USH2A: variants seen among roughly 807,000 people sequenced by gnomAD.
The protein encoded by USH2A is usherin.
Under a neutral mutation model 538.9 loss-of-function variants are expected in USH2A, and 443 were observed. The ratio of observed to expected loss-of-function variants is 0.82; its 90% CI spans 0.76 to 0.89. USH2A has a LOEUF of 0.89. USH2A is among the 40% of genes least tolerant of loss of function. The pLI, the probability that USH2A is intolerant of heterozygous loss-of-function variation, is 0.00. For synonymous variants in USH2A, 2,413 were observed against 2,273.5 expected (o/e 1.06, Z -1.75); for missense variants, 6,633 against 6,324.8 (o/e 1.05, Z -1.65).
At chr1:215,932,914 G>A (rs867381386) in intron 38 of USH2A, among the ~76,000 whole-genome samples, 1 of 151,988 alleles carries the variant, frequency 6.6e-6, no homozygotes, top group African/African-American at 2.4e-5. Flanking sequence ...TATTCACATA[G>A]CGCATATTCC....
At chr1:215,712,157 G>A (rs1039931014) in intron 61 of USH2A, among the ~76,000 whole-genome samples, 1 of 152,162 alleles carries the variant, frequency 6.6e-6, no homozygotes, top group Non-Finnish European at 1.5e-5. Context: ...TTTCTAAAAT[G>A]TGGTAGGCCA....
At chr1:216,223,407 C>A (rs904878460) in intron 14 of USH2A, among the ~76,000 whole-genome samples, 1 of 152,114 alleles carries the variant, frequency 6.6e-6, no homozygotes. Flanking sequence ...AACTCTTCAC[C>A]TTTCCCTCTG....
Position 216,376,756 on chromosome 1 carries a change from C to A in USH2A, c.652-11671G>T, listed in dbSNP as rs184890015. ...CAAGTCAGAAGGGCCATCAATCAGG[C>A]CCTCAATATGTAGACAGATATATAG... On this transcript the variant is annotated intron_variant, in intron 3 of 71. Transcript: ENST00000307340. Among the ~76,000 whole-genome samples the A allele has an allele frequency of 6.8e-3, 1,031 of 152,188 alleles. 18 individuals are homozygous for A. The highest frequency in any genetic ancestry group is 0.024 in the African/African-American group (1,000 of 41,532).
At chr1:216,084,622 A>C (rs1199765525) in intron 25 of USH2A, 76 bp downstream of exon 25, 32 of 1,526,294 alleles carry the variant, frequency 2.1e-5, no homozygotes, top group Non-Finnish European at 2.9e-5. Flanking sequence ...AAGTTAATCA[A>C]ACAGGAGAGA....
chr1:216,069,883 T>C (rs2031499536), intron 30 of USH2A, among the ~76,000 whole-genome samples: 1 of 152,202 alleles, frequency 6.6e-6, no homozygotes, highest in African/African-American at 2.4e-5. Context: ...TACCTTAGAA[T>C]AAAATTATCC....
At position 215,786,686 on chromosome 1, in the gene USH2A, G is replaced by A; in HGVS notation, c.10371C>T (p.Asn3457=). 1 of 1,613,986 alleles carries A rather than the reference G, an allele frequency of 6.2e-7. No homozygotes were observed. Among genetic ancestry groups the A allele is most frequent in the Non-Finnish European group, 8.5e-7 (1 of 1,179,902 alleles). Residue 3457 remains asparagine, a synonymous_variant, in exon 52 of 72, where the codon AAC becomes AAT. Transcript: ENST00000307340. ...AEETIHTGSV[N]TYSYTDVNLK... ...TTCTGTTACCTGTGTAAGAGTACGT[G>A]TTTACACTCCCTGTATGAATGGTTT... is the stretch of plus-strand genomic sequence containing the variant.
At chr1:215,752,764 C>T (rs531529725) in intron 58 of USH2A, among the ~76,000 whole-genome samples, 1 of 152,214 alleles carries the variant, frequency 6.6e-6, no homozygotes, top group African/African-American at 2.4e-5. Flanking sequence ...AAGTCCTTGC[C>T]CATACCTATG....
chr1:216,355,688 A>C (rs930575469), intron 4 of USH2A, among the ~76,000 whole-genome samples: 4 of 152,124 alleles, frequency 2.6e-5, no homozygotes, highest in Non-Finnish European at 4.4e-5. Flanking sequence ...ACTAGAAAGG[A>C]CAGATCTTTA....
intron 21 of USH2A, among the ~76,000 whole-genome samples, chr1:216,162,761 T>G (rs1177821932): frequency 6.6e-6 from 1 of 152,062 alleles, no homozygotes; most frequent in East Asian, 1.9e-4. Context: ...GTTTCTCTAC[T>G]GTGGTTAAGT....
chr1:215,650,957 C>CAGGAGAGCA, intron 64 of USH2A, among the ~76,000 whole-genome samples, 156 bp from the exon 65 acceptor site: 1 of 151,682 alleles, frequency 6.6e-6, no homozygotes, highest in African/African-American at 2.4e-5. Context: ...TGTAATCACA[C>CAGGAGAGCA]AGGAGAGCAA....
chr1:215,703,988 G>T (rs543688664), intron 61 of USH2A, among the ~76,000 whole-genome samples: 1 of 152,338 alleles, frequency 6.6e-6, no homozygotes, highest in African/African-American at 2.4e-5. Context: ...TGTGACGACT[G>T]TAGGAAAAGT....
At chr1:215,712,049 G>C (rs1467107772) in intron 61 of USH2A, among the ~76,000 whole-genome samples, 3 of 152,126 alleles carry the variant, frequency 2.0e-5, no homozygotes, top group Non-Finnish European at 4.4e-5. Flanking sequence ...AGACACCAAG[G>C]CTTGTGGCGT....
intron 44 of USH2A, among the ~76,000 whole-genome samples, chr1:215,866,089 G>A (rs1190552036): frequency 1.3e-5 from 2 of 152,070 alleles, no homozygotes; most frequent in African/African-American, 4.8e-5. Flanking sequence ...TGTTTTGAGT[G>A]GGTCTTTCCT....
chr1:215,959,969 C>A (rs950867990), intron 37 of USH2A, among the ~76,000 whole-genome samples: 6 of 152,070 alleles, frequency 3.9e-5, no homozygotes, highest in African/African-American at 1.4e-4. Flanking sequence ...ACAATAACCA[C>A]TTAAGAAAAA....
At chr1:216,044,402 T>C (rs1390423269) in intron 32 of USH2A, among the ~76,000 whole-genome samples, 1 of 152,124 alleles carries the variant, frequency 6.6e-6, no homozygotes, top group African/African-American at 2.4e-5. Context: ...TATGTAAAGG[T>C]TCAAAGATGT....
At chr1:215,897,653 C>A (rs1331558483) in intron 40 of USH2A, among the ~76,000 whole-genome samples, 3 of 151,696 alleles carry the variant, frequency 2.0e-5, no homozygotes, top group African/African-American at 7.3e-5. Flanking sequence ...GGTGCCACTG[C>A]ACTCCAGCCT....
At chr1:215,979,528 C>A (rs1284088294) in intron 35 of USH2A, among the ~76,000 whole-genome samples, 2 of 151,958 alleles carry the variant, frequency 1.3e-5, no homozygotes, top group Non-Finnish European at 2.9e-5. Flanking sequence ...GAAGCCCATG[C>A]AGGTAGTAAC....
At chr1:215,938,179 A>G (rs1048808206) in intron 37 of USH2A, among the ~76,000 whole-genome samples, 3 of 152,144 alleles carry the variant, frequency 2.0e-5, no homozygotes, top group Non-Finnish European at 2.9e-5. Flanking sequence ...GAACTTGTAC[A>G]TCTCCAGTAA....
chr1:215,676,712 G>T (rs2102668397), intron 62 of USH2A, among the ~76,000 whole-genome samples: 1 of 152,278 alleles, frequency 6.6e-6, no homozygotes, highest in Middle Eastern at 3.4e-3. Flanking sequence ...CCACCCCCAT[G>T]TGGGAAGGGG....
Sources: allele counts gnomAD v4.1 joint callset (sites outside exome capture counted in the v4.1 genomes callset), GRCh38; gene constraint gnomAD v4.1.1; transcripts MANE v1.5; gene names NCBI Gene and HGNC (gene_info 2026-07-23, HGNC 2026-07-21).